Variants in NFE2L3 observed in about 807,000 individuals in gnomAD.
NFE2L3 encodes NFE2 like bZIP transcription factor 3.
A neutral mutation model predicts 23.5 loss-of-function variants in NFE2L3; 18 were observed. The observed-to-expected ratio is 0.77, with a 90% CI of 0.53 to 1.13. The LOEUF (loss-of-function observed/expected upper bound fraction) is 1.13, where lower values mean the gene tolerates loss of function less well. NFE2L3 is among the 50% of genes most tolerant of loss of function. The probability of loss-of-function intolerance (pLI) is 0.00; values close to 1 mark genes in which losing one functional copy is unlikely to be tolerated. For synonymous variants in NFE2L3, 424 were observed against 354.5 expected (o/e 1.20, Z -2.20); for missense variants, 1,152 against 877.2 (o/e 1.31, Z -3.96).
chr7:26,165,552 G>A (rs1784234779), intron 1 of NFE2L3, among the ~76,000 whole-genome samples: 1 of 152,226 alleles, frequency 6.6e-6, no homozygotes, highest in African/African-American at 2.4e-5. Flanking sequence ...CTTGGGCTGA[G>A]ACGATGGGAT....
chr7:26,180,667 T>C (rs1212080938), intron 2 of NFE2L3, among the ~76,000 whole-genome samples: 5 of 152,214 alleles, frequency 3.3e-5, no homozygotes, highest in Non-Finnish European at 7.3e-5. Context: ...TCGTCTTTAC[T>C]CCCTCACTGG....
intron 2 of NFE2L3, among the ~76,000 whole-genome samples, chr7:26,179,735 T>C (rs989635447): frequency 1.3e-5 from 2 of 152,076 alleles, no homozygotes; most frequent in Non-Finnish European, 2.9e-5. Context: ...CAAAACACAC[T>C]GGGCTAAAAT....
Position 26,178,120 on chromosome 7 carries a change from G to C in NFE2L3, c.748G>C (p.Glu250Gln), listed in dbSNP as rs1473707739. The change falls in exon 2 of 4, where the codon GAG (glutamate) becomes CAG (glutamine). Residue 250 changes from glutamate to glutamine, a missense_variant and splice_region_variant. Physicochemically the swap from Glu to Gln is conservative, Grantham distance 29. Coordinates refer to ENST00000056233, the MANE Select transcript of NFE2L3 (RefSeq NM_004289.7). ...AGAAAAGACCACTGAATCTAGAAAT[G>C]AGGTAAGCCTGTCAGAATATTCAAG... Reference protein sequence around the residue: ...EAEKTTESRNERHLNGTDTSF... With the variant: ...EAEKTTESRNQRHLNGTDTSF... 2 of 1,609,962 alleles carry C rather than the reference G, an allele frequency of 1.2e-6. No homozygotes were observed. The highest frequency in any genetic ancestry group is 1.7e-6 in the Non-Finnish European group (2 of 1,178,482).
rs117735492 is a variant in NFE2L3 at position 26,166,249 on chromosome 7, G to A, written c.571-11694G>A. Reference sequence around the variant, plus strand: ...GACGTTGGAGTGCCCAGAGGCTCCCGGTGAGAAGGGATGGAAGGAATTGCT... The same window carrying A: ...GACGTTGGAGTGCCCAGAGGCTCCCAGTGAGAAGGGATGGAAGGAATTGCT... On this transcript the variant is annotated intron_variant, in intron 1 of 3. Transcript: ENST00000056233. Among the ~76,000 whole-genome samples the A allele has an allele frequency of 1.3e-4, 20 of 152,284 alleles. No homozygotes were observed. In the East Asian group the frequency reaches 3.5e-3, roughly 26 times the overall value.
intron 2 of NFE2L3, among the ~76,000 whole-genome samples, chr7:26,182,428 A>G (rs1487755597): frequency 7.0e-6 from 1 of 143,734 alleles, no homozygotes; most frequent in African/African-American, 3.0e-5. Context: ...GTTCAAGACA[A>G]GCCTGGCCAA....
rs1562681559 is a variant in NFE2L3, at chr7:26,185,631, A to C, written c.1933A>C (p.Ile645Leu). Residue 645 changes from isoleucine to leucine, a missense_variant, in exon 4 of 4, where the codon ATT becomes CTT. Physicochemically the swap from Ile to Leu is conservative, Grantham distance 5 (BLOSUM62 2). Coordinates refer to ENST00000056233, the MANE Select transcript of NFE2L3 (RefSeq NM_004289.7). ...KQKLHDLYHD[I>L]FSRLRDDQGR... ...GAAACTGCATGACCTTTATCATGAT[A>C]TTTTTAGTAGATTAAGAGATGACCA... The C allele has an allele frequency of 6.2e-7, 1 of 1,613,920 alleles. No homozygotes were observed. Among genetic ancestry groups the C allele is most frequent in the Non-Finnish European group, 8.5e-7 (1 of 1,179,820 alleles).
In NFE2L3 at chr7:26,186,833, A is replaced by G. The variant is rs1161755366; in HGVS notation, c.*1050A>G. The G allele has an allele frequency of 6.6e-6, 1 of 152,236 alleles. No individual in the cohort carries two copies. The highest frequency in any genetic ancestry group is 1.5e-5 in the Non-Finnish European group (1 of 68,040). 9.4% of individuals were successfully genotyped at this position (152,236 alleles called of 1,614,324 possible). A position where few individuals can be genotyped will look rare whatever the true frequency, so the allele number is the denominator to read the frequency against. The stretch of plus-strand genomic sequence containing the variant: ...CAGGGTAAGGTAAATTCTAGAAATA[A>G]TAGCATTTGAAATGAAAACCTCACT... On this transcript the variant is annotated 3_prime_UTR_variant, in exon 4 of 4. Transcript: ENST00000056233.
At position 26,152,490 on chromosome 7, in the gene NFE2L3, G is replaced by A. The variant is rs1462244942; in HGVS notation, c.-9G>A. On this transcript the variant is annotated 5_prime_UTR_variant, in exon 1 of 4. Coordinates refer to ENST00000056233, the MANE Select transcript of NFE2L3 (RefSeq NM_004289.7). This position sits in a 1 kb window ranked among gnomAD's most constrained non-coding sequence, Gnocchi z 4.4. ...CGCCGGCAGGGGCGTTCCCGGGCGC[G>A]CGGCGGCGATGAAGCACCTGAAGCG... 1 of 1,308,742 alleles carries A rather than the reference G, an allele frequency of 7.6e-7. No homozygotes were observed. Among genetic ancestry groups the A allele is most frequent in the Middle Eastern group, 2.1e-4 (1 of 4,816 alleles). 81.1% of individuals were successfully genotyped at this position (1,308,742 alleles called of 1,614,324 possible).
chr7:26,165,554 C>T (rs564413114), intron 1 of NFE2L3, among the ~76,000 whole-genome samples: 5 of 152,154 alleles, frequency 3.3e-5, no homozygotes, highest in Admixed American at 1.3e-4. Context: ...TGGGCTGAGA[C>T]GATGGGATTT....
chr7:26,158,906 G>A (rs1277428589), intron 1 of NFE2L3, among the ~76,000 whole-genome samples: 2 of 152,216 alleles, frequency 1.3e-5, no homozygotes, highest in Non-Finnish European at 2.9e-5. Context: ...AATAGTAAGA[G>A]CACCTTAGGG....
rs553859829 is a variant in NFE2L3 at position 26,153,899 on chromosome 7, C to A, written c.570+831C>A. On this transcript the variant is annotated intron_variant, in intron 1 of 3. Coordinates refer to ENST00000056233, the MANE Select transcript of NFE2L3 (RefSeq NM_004289.7). ...AAAACCACTTTACCCAAAGTTCCTT[C>A]CAGGGGACTTTTAAAATTCTGTCTT... Among the ~76,000 whole-genome samples the A allele has an allele frequency of 2.0e-4, 31 of 152,324 alleles. No individual in the cohort carries two copies. In the South Asian group the frequency reaches 5.8e-3, roughly 29 times the overall value.
intron 1 of NFE2L3, among the ~76,000 whole-genome samples, chr7:26,168,644 C>T (rs911360555): frequency 6.6e-6 from 1 of 151,140 alleles, no homozygotes; most frequent in Non-Finnish European, 1.5e-5. Context: ...TGTGCTGATA[C>T]CACATTTTTG....
chr7:26,175,872 T>C (rs1473782242), intron 1 of NFE2L3, among the ~76,000 whole-genome samples: 2 of 138,826 alleles, frequency 1.4e-5, no homozygotes, highest in Non-Finnish European at 3.1e-5. Context: ...TTTTTTTTTT[T>C]AGTATTTATT....
chr7:26,159,638 A>G (rs1178955772), intron 1 of NFE2L3, among the ~76,000 whole-genome samples: 1 of 152,214 alleles, frequency 6.6e-6, no homozygotes, highest in Non-Finnish European at 1.5e-5. Flanking sequence ...CCGAGTCTCA[A>G]CTAGAAAGTA....
At chr7:26,160,796 A>C (rs1340060780) in intron 1 of NFE2L3, among the ~76,000 whole-genome samples, 1 of 152,240 alleles carries the variant, frequency 6.6e-6, no homozygotes, top group Non-Finnish European at 1.5e-5. Flanking sequence ...TAATAGAATG[A>C]CTTAAGAACA....
At chr7:26,179,116 A>G (rs1784463508) in intron 2 of NFE2L3, among the ~76,000 whole-genome samples, 1 of 152,140 alleles carries the variant, frequency 6.6e-6, no homozygotes, top group African/African-American at 2.4e-5. Flanking sequence ...GCTTCCACCT[A>G]GAGCCCCTTG....
At chr7:26,164,452 CTTCTT>C (rs1784217299) in intron 1 of NFE2L3, among the ~76,000 whole-genome samples, 1 of 152,198 alleles carries the variant, frequency 6.6e-6, no homozygotes, top group African/African-American at 2.4e-5. Context: ...GCATAAATGT[CTTCTT>C]TTAAGAAGTG....
At chr7:26,172,323 C>G (rs186269717) in intron 1 of NFE2L3, among the ~76,000 whole-genome samples, 1 of 152,146 alleles carries the variant, frequency 6.6e-6, no homozygotes. Context: ...ACCCTTTACC[C>G]AGATTTACCT....
intron 1 of NFE2L3, among the ~76,000 whole-genome samples, chr7:26,157,601 A>G (rs144893939): frequency 1.6e-4 from 24 of 152,332 alleles, no homozygotes; most frequent in African/African-American, 5.3e-4. Context: ...ACTCACAGCT[A>G]TGTTACGGAA....
Sources: gnomAD v4.1 joint callset for allele counts (sites outside exome capture counted in the v4.1 genomes callset) on GRCh38, gnomAD v4.1.1 for gene constraint, Gnocchi (gnomAD v3.1) non-coding constraint, MANE v1.5 for transcripts, NCBI Gene and HGNC (gene_info 2026-07-23, HGNC 2026-07-21) for gene names.